SMOX: variants seen among roughly 807,000 people sequenced by gnomAD.
The protein encoded by SMOX is flavin containing amine oxidase.
Under a neutral mutation model 51.0 loss-of-function variants are expected in SMOX, and 22 were observed. The ratio of observed to expected loss-of-function variants is 0.43; its 90% CI spans 0.31 to 0.62. The LOEUF is 0.62. Among genes scored for constraint, SMOX ranks in the 20% least tolerant of loss-of-function variants. SMOX has a pLI of 0.10. For missense variants in SMOX, 566 were observed against 777.7 expected, an observed-to-expected ratio of 0.73 and a Z score of 3.24; for synonymous variants, 282 against 307.8, an observed-to-expected ratio of 0.92 and a Z score of 0.88.
intron 3 of SMOX, among the ~76,000 whole-genome samples, chr20:4,180,466 A>G (rs914209030): frequency 6.6e-6 from 1 of 152,218 alleles, no homozygotes; most frequent in African/African-American, 2.4e-5. Context: ...TCATCAGCTC[A>G]GCCACAGGGG....
At chr20:4,175,677 G>T (rs1395242091) in intron 2 of SMOX, among the ~76,000 whole-genome samples, 1 of 152,196 alleles carries the variant, frequency 6.6e-6, no homozygotes, top group African/African-American at 2.4e-5. Context: ...AGGATCCTGG[G>T]TTAGCAGAGA....
chr20:4,168,580 G>A (rs1473246136), intron 1 of SMOX, among the ~76,000 whole-genome samples: 3 of 149,678 alleles, frequency 2.0e-5, no homozygotes, highest in African/African-American at 7.4e-5. Flanking sequence ...TTTTTGAGAC[G>A]GAGTCTCGCT....
In SMOX at chr20:4,171,396, G is replaced by C. The variant is rs543351981; in HGVS notation, c.-26-3634G>C. ...GCATTTAGCACACAGTAGGTGTCCT[G>C]GCTATGTTCTCTCTCTCCCTTTCAG... On this transcript the variant is annotated intron_variant, in intron 1 of 6. Coordinates refer to ENST00000305958, the MANE Select transcript of SMOX (RefSeq NM_175839.3). 2.6e-5 allele frequency among the ~76,000 whole-genome samples: 4 copies of C among 152,320 alleles called. No homozygotes were observed. In the East Asian group the frequency reaches 5.8e-4, roughly 22 times the overall value.
intron 1 of SMOX, among the ~76,000 whole-genome samples, chr20:4,163,235 C>T (rs778103113): frequency 6.6e-6 from 1 of 152,004 alleles, no homozygotes; most frequent in South Asian, 2.1e-4. Context: ...GGGCCCCACC[C>T]CAGAGAGTCT....
chr20:4,182,332 G>C lies in SMOX; in HGVS notation c.853G>C (p.Asp285His), dbSNP rs887784765. 2 of 1,594,086 alleles carry C rather than the reference G, an allele frequency of 1.3e-6. No individual in the cohort carries two copies. Among genetic ancestry groups the C allele is most frequent in the East Asian group, 2.2e-5 (1 of 44,482 alleles). The change falls in exon 5 of 7, where the codon GAC becomes CAC. Residue 285 changes from aspartate (D) to histidine (H), a missense_variant. Around this residue, in one of 3 missense-constraint regions of SMOX, gnomAD observed 347 missense variants for 481.8 expected, o/e 0.72. Coordinates refer to ENST00000305958, the MANE Select transcript of SMOX (RefSeq NM_175839.3). This position sits in a 1 kb window ranked among gnomAD's most constrained non-coding sequence, Gnocchi z 8.4. The part of the protein sequence containing the change: ...GPEIEPRGEG[D>H]HNHDTGEGGQ... Reference sequence around the variant, plus strand: ...TGAGATTGAGCCCCGGGGTGAGGGCGACCACAATCACGACACTGGGGAGGG... The same window carrying C: ...TGAGATTGAGCCCCGGGGTGAGGGCCACCACAATCACGACACTGGGGAGGG...
At position 4,161,593 on chromosome 20, in the gene SMOX, C is replaced by T. The variant is rs905786960; in HGVS notation, c.-27+12616C>T. 2.6e-5 allele frequency among the ~76,000 whole-genome samples: 4 copies of T among 152,312 alleles called. 1 individual carries two copies. In the South Asian group the frequency reaches 8.3e-4, roughly 32 times the overall value. The stretch of plus-strand genomic sequence containing the variant: ...TGTGGCCCTTGCCCTCACCCCACAT[C>T]CTGCCATTCAGCAAGTCCCCAGGAG... On this transcript the variant is annotated intron_variant, in intron 1 of 6. Coordinates refer to ENST00000305958, the MANE Select transcript of SMOX (RefSeq NM_175839.3).
rs1985594647 is a variant in SMOX, at chr20:4,149,171, G to A, written c.-27+194G>A. Reference sequence around the variant, plus strand: ...TGCGGGGCGTTCCGGGAGGCTCGCGGGGAGCAGGGGGCGCCGCGCCCCCCT... The same window carrying A: ...TGCGGGGCGTTCCGGGAGGCTCGCGAGGAGCAGGGGGCGCCGCGCCCCCCT... On this transcript the variant is annotated intron_variant, in intron 1 of 6. Transcript: ENST00000305958. The surrounding 1 kb of genome is among the most constrained non-coding windows in gnomAD (Gnocchi z 6.0). Among the ~76,000 whole-genome samples, 1 of 149,386 alleles carries A rather than the reference G, an allele frequency of 6.7e-6. No homozygotes were observed. Among genetic ancestry groups the A allele is most frequent in the African/African-American group, 2.4e-5 (1 of 41,074 alleles).
At chr20:4,152,011 T>C (rs1985788776) in intron 1 of SMOX, among the ~76,000 whole-genome samples, 1 of 152,158 alleles carries the variant, frequency 6.6e-6, no homozygotes, top group Admixed American at 6.6e-5. Context: ...GGATTTTTAT[T>C]TTCTTTCCAC....
Position 4,149,083 on chromosome 20 carries a change from C to G in SMOX, c.-27+106C>G, listed in dbSNP as rs1212972394. On this transcript the variant is annotated intron_variant, in intron 1 of 6. Transcript: ENST00000305958. The surrounding 1 kb of genome is among the most constrained non-coding windows in gnomAD (Gnocchi z 6.0). Reference sequence around the variant, plus strand: ...GAGGGTGAGGGGCCCGGAGCGGTCCCCGAGGGCTCGGCCGGCCCGGGGCTT... The same window carrying G: ...GAGGGTGAGGGGCCCGGAGCGGTCCGCGAGGGCTCGGCCGGCCCGGGGCTT... 1.3e-5 allele frequency: 2 copies of G among 149,896 alleles called. No individual in the cohort carries two copies. The highest frequency in any genetic ancestry group is 3.9e-4 in the East Asian group (2 of 5,090). 9.3% of individuals were successfully genotyped at this position (149,896 alleles called of 1,614,324 possible).
Position 4,182,729 on chromosome 20 carries a change from C to A in SMOX, c.1250C>A (p.Pro417His). Residue 417 changes from proline (P) to histidine (H), a missense_variant, in exon 5 of 7, where the codon CCT becomes CAT. Coordinates refer to ENST00000305958, the MANE Select transcript of SMOX (RefSeq NM_175839.3). The surrounding 1 kb of genome is among the most constrained non-coding windows in gnomAD (Gnocchi z 8.4). Reference sequence around the variant, plus strand: ...TGCGGCTTTGATGTCCTCTACCCGCCTGAGCGCTACGGCCATGTGCTGAGC... The same window carrying A: ...TGCGGCTTTGATGTCCTCTACCCGCATGAGCGCTACGGCCATGTGCTGAGC... The part of the protein sequence containing the change: ...KICGFDVLYP[P>H]ERYGHVLSGW... 6.2e-7 allele frequency: 1 copy of A among 1,614,210 alleles called. No individual in the cohort carries two copies. The highest frequency in any genetic ancestry group is 8.5e-7 in the Non-Finnish European group (1 of 1,180,038).
chr20:4,183,770 G>A lies in SMOX; in HGVS notation c.1530+116G>A. 1 of 1,198,610 alleles carries A rather than the reference G, an allele frequency of 8.3e-7. No individual in the cohort carries two copies. Among genetic ancestry groups the A allele is most frequent in the Non-Finnish European group, 1.1e-6 (1 of 902,606 alleles). The allele number at this position is 1,198,610 out of a possible 1,614,324, so 74.2% of individuals were successfully genotyped here. A position where few individuals can be genotyped will look rare whatever the true frequency, so the allele number is the denominator to read the frequency against. On this transcript the variant is annotated intron_variant, in intron 6 of 6. Transcript: ENST00000305958. The surrounding 1 kb of genome is among the most constrained non-coding windows in gnomAD (Gnocchi z 4.3). ...ACTAAGGGGTGCTCAGGTGAGGCAG[G>A]GATGGAGTAGCTTCTGTAATGAGAG...
chr20:4,184,631 G>A (rs1316312155), intron 6 of SMOX, among the ~76,000 whole-genome samples: 1 of 152,052 alleles, frequency 6.6e-6, no homozygotes, highest in Non-Finnish European at 1.5e-5. Context: ...GGTATAATTG[G>A]TGAAGAAGAG....
Position 4,183,870 on chromosome 20 carries a change from C to T in SMOX, c.1530+216C>T, listed in dbSNP as rs528587419. Among the ~76,000 whole-genome samples, 111 of 152,224 alleles carry T rather than the reference C, an allele frequency of 7.3e-4. 1 individual carries two copies. Among genetic ancestry groups the T allele is most frequent in the African/African-American group, 2.6e-3 (107 of 41,534 alleles). ...ATCAAATTGAAACTTAAAATGTTTT[C>T]TTGATGTTATGAAAACTGAGCTATT... On this transcript the variant is annotated intron_variant, in intron 6 of 6. Coordinates refer to ENST00000305958, the MANE Select transcript of SMOX (RefSeq NM_175839.3). This position sits in a 1 kb window ranked among gnomAD's most constrained non-coding sequence, Gnocchi z 4.3.
chr20:4,186,620 A>G, intron 6 of SMOX: 1 of 679,608 alleles, frequency 1.5e-6, no homozygotes, highest in African/African-American at 1.8e-5. Context: ...TCCTCTGGGA[A>G]GCTTTGTGGG....
rs1979819736 is a variant in SMOX at position 4,187,370 on chromosome 20, T to C, written c.1631T>C (p.Ile544Thr). The change falls in exon 7 of 7, where the codon ATT (isoleucine) becomes ACT (threonine). Residue 544 changes from isoleucine (I) to threonine (T), a missense_variant. By Grantham distance (89) the Ile-to-Thr change is moderately conservative. Coordinates refer to ENST00000305958, the MANE Select transcript of SMOX (RefSeq NM_175839.3). This position sits in a 1 kb window ranked among gnomAD's most constrained non-coding sequence, Gnocchi z 4.8. ...LSGQREAARLIEMYRDLFQQG... is the reference protein window; with the variant it reads ...LSGQREAARLTEMYRDLFQQG... ...GGCCAGCGTGAGGCTGCCCGCCTCA[T>C]TGAGATGTACCGAGACCTCTTCCAG... 6.2e-7 allele frequency: 1 copy of C among 1,614,182 alleles called. No homozygotes were observed. The highest frequency in any genetic ancestry group is 2.2e-5 in the East Asian group (1 of 44,874).
rs1020048741 is a variant in SMOX at position 4,167,865 on chromosome 20, CCT to C, written c.-26-7163_-26-7162del. ...GGCTGGGAGGAGTTGGGGCCCAGCC[CCT>C]CCCTGGTTGAGGGGTGGGAGGAGCC... On this transcript the variant is annotated intron_variant, in intron 1 of 6. Coordinates refer to ENST00000305958, the MANE Select transcript of SMOX (RefSeq NM_175839.3). The surrounding 1 kb of genome is among the most constrained non-coding windows in gnomAD (Gnocchi z 4.8). Among the ~76,000 whole-genome samples the C allele has an allele frequency of 5.9e-5, 9 of 152,026 alleles. No individual in the cohort carries two copies. Among genetic ancestry groups the C allele is most frequent in the African/African-American group, 2.2e-4 (9 of 41,348 alleles).
At position 4,153,447 on chromosome 20, in the gene SMOX, G is replaced by GGGA. The variant is rs1810330662; in HGVS notation, c.-27+4476_-27+4478dup. On this transcript the variant is annotated intron_variant, in intron 1 of 6. Transcript: ENST00000305958. This position sits in a 1 kb window ranked among gnomAD's most constrained non-coding sequence, Gnocchi z 4.4. ...GGCTGAGGAACTGGGCCAGGAAGGA[G>GGGA]GGAGGAGGGTGTGTCAGCTCTGCCC... 6.6e-6 allele frequency among the ~76,000 whole-genome samples: 1 copy of GGGA among 152,166 alleles called. No individual in the cohort carries two copies. The highest frequency in any genetic ancestry group is 2.1e-4 in the South Asian group (1 of 4,828).
chr20:4,187,253 C>A lies in SMOX; in HGVS notation c.1531-17C>A, dbSNP rs1365523727. ...TTGCTGCTCCTCCACCCTGACCTCC[C>A]CATCCCCGCCCCGCAGCCCATGCAG... On this transcript the variant is annotated splice_polypyrimidine_tract_variant and intron_variant, in intron 6 of 6. Transcript: ENST00000305958. The surrounding 1 kb of genome is among the most constrained non-coding windows in gnomAD (Gnocchi z 4.8). The A allele has an allele frequency of 6.2e-7, 1 of 1,606,648 alleles. No homozygotes were observed. Among genetic ancestry groups the A allele is most frequent in the Admixed American group, 1.7e-5 (1 of 59,620 alleles).
chr20:4,169,780 C>T (rs1475515647), intron 1 of SMOX, among the ~76,000 whole-genome samples: 2 of 152,140 alleles, frequency 1.3e-5, no homozygotes, highest in Admixed American at 1.3e-4. Context: ...TCGAGCAACA[C>T]CCACCCCGAA....
Sources: allele counts gnomAD v4.1 joint callset (sites outside exome capture counted in the v4.1 genomes callset), GRCh38; gene constraint gnomAD v4.1.1; regional missense constraint gnomAD v4.1.1; non-coding constraint Gnocchi (gnomAD v3.1); transcripts MANE v1.5; gene names NCBI Gene and HGNC (gene_info 2026-07-23, HGNC 2026-07-21).